Variants in LRPPRC observed in about 807,000 individuals in gnomAD.
LRPPRC encodes leucine-rich PPR motif-containing protein, mitochondrial.
In LRPPRC, 120 loss-of-function variants were observed where a neutral mutation model predicts 180.3. The observed-to-expected ratio is 0.67, with a 90% CI of 0.57 to 0.77. The LOEUF is 0.77. LRPPRC is among the 30% of genes least tolerant of loss of function. The pLI is 0.00. For synonymous variants in LRPPRC, 723 were observed against 600.0 expected (o/e 1.21, Z -3.00); for missense variants, 2,012 against 1,657.2 (o/e 1.21, Z -3.72).
rs1411272506 is a variant in LRPPRC at position 43,899,296 on chromosome 2, T to C, written c.3748A>G (p.Ile1250Val). 4 of 1,614,108 alleles carry C rather than the reference T, an allele frequency of 2.5e-6. No individual in the cohort carries two copies. Among genetic ancestry groups the C allele is most frequent in the East Asian group, 2.2e-5 (1 of 44,874 alleles). Reference sequence around the variant, plus strand: ...AAAAAATCAGTGACAGGTTTATAAATTGCAAACTGATTGGCCAATCTCTCC... The same window carrying C: ...AAAAAATCAGTGACAGGTTTATAAACTGCAAACTGATTGGCCAATCTCTCC... ...MAERLANQFA[I>V]YKPVTDFFLQ... Residue 1250 changes from isoleucine (I) to valine (V), a missense_variant, in exon 34 of 38, where the codon ATT becomes GTT. Physicochemically the swap from Ile to Val is conservative, Grantham distance 29. Coordinates refer to ENST00000260665, the MANE Select transcript of LRPPRC (RefSeq NM_133259.4).
chr2:43,968,030 T>C (rs1480935512), intron 11 of LRPPRC, among the ~76,000 whole-genome samples: 1 of 152,130 alleles, frequency 6.6e-6, no homozygotes, highest in African/African-American at 2.4e-5. Flanking sequence ...GTAATAATTG[T>C]TTCCAGGACA....
At chr2:43,956,691 A>T (rs1341977698) in intron 14 of LRPPRC, among the ~76,000 whole-genome samples, 1 of 152,096 alleles carries the variant, frequency 6.6e-6, no homozygotes, top group Non-Finnish European at 1.5e-5. Context: ...GGAGTTCGAG[A>T]CCAACCTGGC....
chr2:43,943,651 T>C (rs1239184438), intron 23 of LRPPRC, 36 bp downstream of exon 23: 2 of 1,531,342 alleles, frequency 1.3e-6, no homozygotes, highest in Non-Finnish European at 1.8e-6. Flanking sequence ...ATTCTTTTAA[T>C]GCCAACATTT....
intron 3 of LRPPRC, among the ~76,000 whole-genome samples, chr2:43,979,244 G>A (rs1674194953): frequency 1.3e-5 from 2 of 152,150 alleles, no homozygotes; most frequent in African/African-American, 2.4e-5. Flanking sequence ...ACACATGCAC[G>A]TGTAAAAACA....
chr2:43,995,935 G>T lies in LRPPRC; in HGVS notation c.13C>A (p.Leu5Met), dbSNP rs898095787. 6.6e-7 allele frequency: 1 copy of T among 1,525,764 alleles called. No individual in the cohort carries two copies. The highest frequency in any genetic ancestry group is 8.7e-7 in the Non-Finnish European group (1 of 1,143,110). The allele number at this position is 1,525,764 out of a possible 1,614,324, so 94.5% of individuals were successfully genotyped here. A position where few individuals can be genotyped will look rare whatever the true frequency, so the allele number is the denominator to read the frequency against. Residue 5 changes from leucine (L) to methionine (M), a missense_variant, in exon 1 of 38, where the codon CTG becomes ATG. Transcript: ENST00000260665. ...CGCAGCAACCAACGCGCGGATCTCA[G>T]CAGGGCTGCCATTGCTCGAACGTCC... MAAL[L>M]RSARWLLRAG...
intron 23 of LRPPRC, among the ~76,000 whole-genome samples, chr2:43,942,057 A>G (rs1365096878): frequency 6.6e-6 from 1 of 152,018 alleles, no homozygotes; most frequent in Non-Finnish European, 1.5e-5. Context: ...CTAGGTTAAC[A>G]TTTGAATTCC....
chr2:43,947,476 G>A, intron 19 of LRPPRC, 106 bp from the exon 20 acceptor site: 1 of 695,764 alleles, frequency 1.4e-6, no homozygotes, highest in Admixed American at 2.2e-5. Context: ...CTTCCTAAAT[G>A]TCATAAATGC....
chr2:43,920,626 T>C (rs1422420077), intron 27 of LRPPRC, among the ~76,000 whole-genome samples: 2 of 152,050 alleles, frequency 1.3e-5, no homozygotes, highest in African/African-American at 2.4e-5. Flanking sequence ...TAAAATGTTA[T>C]TGTGTAATAT....
rs1434425814 is a variant in LRPPRC at position 43,973,698 on chromosome 2, T to C, written c.1278A>G (p.Leu426=). 6.2e-7 allele frequency: 1 copy of C among 1,612,438 alleles called. No individual in the cohort carries two copies. The highest frequency in any genetic ancestry group is 1.1e-5 in the South Asian group (1 of 91,046). The change falls in exon 11 of 38, where the codon TTA becomes TTG. Residue 426 remains leucine (L), a synonymous_variant. Transcript: ENST00000260665. ...LANKTDLAKA[L]MKAVKEEGFP... ...AACCTTCCTCCTTCACAGCCTTCAT[T>C]AAGGCTTTTGCCAAATCTGAAAGAG...
At chr2:43,897,297 G>C (rs926216507) in intron 34 of LRPPRC, among the ~76,000 whole-genome samples, 4 of 152,050 alleles carry the variant, frequency 2.6e-5, no homozygotes, top group African/African-American at 9.7e-5. Context: ...AAGTTTACAT[G>C]ACAGACCAGA....
chr2:43,988,781 G>A (rs547843353), intron 1 of LRPPRC, among the ~76,000 whole-genome samples: 1 of 152,200 alleles, frequency 6.6e-6, no homozygotes, highest in East Asian at 1.9e-4. Flanking sequence ...CTGACCTCGT[G>A]ATCCGCCCGC....
chr2:43,929,773 A>G (rs906483006), intron 25 of LRPPRC, among the ~76,000 whole-genome samples: 1 of 152,194 alleles, frequency 6.6e-6, no homozygotes, highest in African/African-American at 2.4e-5. Flanking sequence ...GATAGACTTG[A>G]AGACCATGTA....
At chr2:43,921,496 G>A (rs1245152366) in intron 27 of LRPPRC, among the ~76,000 whole-genome samples, 2 of 151,490 alleles carry the variant, frequency 1.3e-5, no homozygotes, top group Admixed American at 6.6e-5. Flanking sequence ...AATGTAGAAT[G>A]TGAAACAAGT....
At chr2:43,942,325 G>T (rs908940413) in intron 23 of LRPPRC, among the ~76,000 whole-genome samples, 2 of 152,078 alleles carry the variant, frequency 1.3e-5, no homozygotes, top group African/African-American at 4.8e-5. Flanking sequence ...GCAGAAATGG[G>T]TCTTTTAAGC....
intron 13 of LRPPRC, chr2:43,959,205 TG>T: frequency 1.4e-6 from 1 of 716,604 alleles, no homozygotes; most frequent in Non-Finnish European, 2.6e-6. Context: ...GTTTTCTTCT[TG>T]TCAGATTGGA....
rs753831772 is a variant in LRPPRC at position 43,943,748 on chromosome 2, G to C, written c.2443C>G (p.Leu815Val). Residue 815 changes from leucine (L) to valine (V), a missense_variant, in exon 23 of 38, where the codon CTA becomes GTA. Transcript: ENST00000260665. ...VKQLHEAIVTLGLAEPSTNIS... is the reference protein window; with the variant it reads ...VKQLHEAIVTVGLAEPSTNIS... ...TTGGTGGATGGTTCTGCTAACCCTA[G>C]AGTCACGATGGCTTCATGCAACTGT... 3.7e-6 allele frequency: 6 copies of C among 1,613,386 alleles called. No individual in the cohort carries two copies. In the African/African-American group the frequency reaches 5.3e-5, roughly 14 times the overall value.
intron 12 of LRPPRC, among the ~76,000 whole-genome samples, chr2:43,962,468 C>T (rs10865195): frequency 0.6 from 91,356 of 152,048 alleles, 28,674 homozygotes; most frequent in Middle Eastern, 0.7. Flanking sequence ...GGAAACATCT[C>T]TTAAACAACA....
chr2:43,976,290 G>A (rs1193166674), intron 5 of LRPPRC, 61 bp from the exon 6 acceptor site: 2 of 918,002 alleles, frequency 2.2e-6, no homozygotes, highest in East Asian at 4.8e-5. Context: ...TTTACAACAT[G>A]TACAGAATTA....
chr2:43,897,129 T>C (rs1434699425), intron 34 of LRPPRC, among the ~76,000 whole-genome samples: 1 of 152,188 alleles, frequency 6.6e-6, no homozygotes. Context: ...CATTTCTTTA[T>C]AAAAATTAAA....
Sources: allele counts gnomAD v4.1 joint callset (sites outside exome capture counted in the v4.1 genomes callset), GRCh38; gene constraint gnomAD v4.1.1; transcripts MANE v1.5; gene names NCBI Gene and HGNC (gene_info 2026-07-23, HGNC 2026-07-21).